TRIM9: variants seen among roughly 807,000 people sequenced by gnomAD.
TRIM9 encodes the protein E3 ubiquitin-protein ligase TRIM9.
TRIM9 carries 26 observed loss-of-function variants against 78.3 expected under a neutral mutation model. That is an observed-to-expected ratio of 0.33 (90% CI 0.24 to 0.46). The LOEUF (loss-of-function observed/expected upper bound fraction) is 0.46. Ranked by LOEUF, TRIM9 falls within the 20% of genes least tolerant of loss-of-function variation. The pLI is 1.00. For synonymous variants in TRIM9, 398 were observed against 416.5 expected (o/e 0.96, Z 0.54); for missense variants, 787 against 1,036.4 (o/e 0.76, Z 3.30).
intron 3 of TRIM9, among the ~76,000 whole-genome samples, chr14:51,020,267 GA>G (rs1390263369): frequency 6.6e-6 from 1 of 152,214 alleles, no homozygotes; most frequent in African/African-American, 2.4e-5. Context: ...AAGGCAGGGG[GA>G]GAGGAGAGCG....
chr14:50,997,884 T>C (rs1489502911), intron 7 of TRIM9, 166 bp downstream of exon 7: 15 of 1,459,704 alleles, frequency 1.0e-5, no homozygotes, highest in African/African-American at 5.7e-5. Flanking sequence ...CCACATACCA[T>C]AGGCTCTCTA....
chr14:51,060,659 G>C (rs950265625), intron 1 of TRIM9, among the ~76,000 whole-genome samples: 10 of 152,104 alleles, frequency 6.6e-5, no homozygotes, highest in African/African-American at 2.2e-4. Context: ...AGTAGAAACG[G>C]GGTTTCGCCG....
intron 1 of TRIM9, among the ~76,000 whole-genome samples, chr14:51,087,775 T>C (rs2063905998): frequency 6.6e-6 from 1 of 152,250 alleles, no homozygotes; most frequent in Non-Finnish European, 1.5e-5. Context: ...GTTTTAAGCT[T>C]TTCATATTGT....
intron 10 of TRIM9, 191 bp downstream of exon 10, chr14:50,982,751 A>G (rs1247437139): frequency 3.8e-6 from 2 of 532,252 alleles, no homozygotes; most frequent in Non-Finnish European, 6.6e-6. Flanking sequence ...ATTTTGCTGG[A>G]GCAGTAGGAA....
chr14:50,983,386 G>A lies in TRIM9; in HGVS notation c.1828C>T (p.Gln610Ter). The A allele has an allele frequency of 6.5e-7, 1 of 1,541,788 alleles. No homozygotes were observed. The highest frequency in any genetic ancestry group is 8.8e-7 in the Non-Finnish European group (1 of 1,141,396). Residue 610 changes from glutamine (Q) to a stop codon, truncating the protein, a stop_gained, in exon 9 of 13, where the codon CAA becomes TAA. Coordinates refer to ENST00000684578, the MANE Select transcript of TRIM9 (RefSeq NM_001387360.1). LOFTEE classifies it high-confidence loss of function. Reference protein sequence around the residue: ...NFETQSAPYSQLVDIKKLLAV... With the variant: ...NFETQSAPYS Reference sequence around the variant, plus strand: ...TTACAATAGGTATACTTGCCTAATTGAGAGTAAGGTGCAGATTGTGTCTCA... The same window carrying A: ...TTACAATAGGTATACTTGCCTAATTAAGAGTAAGGTGCAGATTGTGTCTCA...
intron 1 of TRIM9, among the ~76,000 whole-genome samples, chr14:51,039,026 T>C (rs1369011239): frequency 6.6e-6 from 1 of 152,174 alleles, no homozygotes; most frequent in Non-Finnish European, 1.5e-5. Context: ...AGGCACGGGG[T>C]CATTAGAAAT....
chr14:51,093,357 GAGA>G (rs1342616817), intron 1 of TRIM9, among the ~76,000 whole-genome samples: 3 of 152,240 alleles, frequency 2.0e-5, no homozygotes. Context: ...TAGTTGGGAG[GAGA>G]AGGTTTCCCT....
intron 3 of TRIM9, 143 bp downstream of exon 3, chr14:51,022,688 GTTCC>G: frequency 1.6e-6 from 2 of 1,249,482 alleles, no homozygotes; most frequent in Non-Finnish European, 2.2e-6. Flanking sequence ...GGAGGTGTCT[GTTCC>G]TTTCTGGCCA....
At chr14:50,984,773 T>A (rs1046437550) in intron 8 of TRIM9, among the ~76,000 whole-genome samples, 2 of 152,040 alleles carry the variant, frequency 1.3e-5, no homozygotes, top group African/African-American at 4.8e-5. Context: ...CCATCAAATA[T>A]CCCAAAACTC....
intron 1 of TRIM9, among the ~76,000 whole-genome samples, chr14:51,057,886 C>T (rs966529722): frequency 3.3e-5 from 5 of 152,316 alleles, no homozygotes; most frequent in South Asian, 2.1e-4. Context: ...AGTCTGTACA[C>T]AAGTTTATCC....
rs1348456935 is a variant in TRIM9 at position 51,053,580 on chromosome 14, CTTT to C, written c.823-28223_823-28221del. Among the ~76,000 whole-genome samples the C allele has an allele frequency of 1.0e-3, 75 of 74,800 alleles. 1 individual carries two copies. The highest frequency in any genetic ancestry group is 3.2e-3 in the African/African-American group (68 of 21,106). 49.1% of individuals were successfully genotyped at this position (74,800 alleles called of 152,430 possible). ...TTATTTTTTTTTACTTTTTAATTTT[CTTT>C]TTTTTTTTTTAATTTTTTTTTTTTT... On this transcript the variant is annotated intron_variant, in intron 1 of 12. Coordinates refer to ENST00000684578, the MANE Select transcript of TRIM9 (RefSeq NM_001387360.1).
intron 5 of TRIM9, among the ~76,000 whole-genome samples, chr14:51,002,074 A>G (rs2055120742): frequency 6.6e-6 from 1 of 151,968 alleles, no homozygotes; most frequent in South Asian, 2.1e-4. Context: ...TTCACATATA[A>G]ACTTAATATA....
intron 1 of TRIM9, among the ~76,000 whole-genome samples, chr14:51,061,588 T>C (rs964044787): frequency 1.3e-5 from 2 of 152,230 alleles, no homozygotes; most frequent in African/African-American, 4.8e-5. Flanking sequence ...AAATTTTTGC[T>C]CATTCCAAAC....
chr14:51,084,501 T>G (rs1310946811), intron 1 of TRIM9, among the ~76,000 whole-genome samples: 2 of 152,234 alleles, frequency 1.3e-5, no homozygotes, highest in African/African-American at 4.8e-5. Context: ...CTGTTTATCA[T>G]ATTTCCTTGC....
chr14:51,027,445 G>A (rs34288227), intron 1 of TRIM9, among the ~76,000 whole-genome samples: 1 of 152,020 alleles, frequency 6.6e-6, no homozygotes, highest in African/African-American at 2.4e-5. Context: ...TGCCCAACCA[G>A]CTGTTAACTC....
chr14:51,088,181 T>C (rs980237188), intron 1 of TRIM9, among the ~76,000 whole-genome samples: 3 of 152,208 alleles, frequency 2.0e-5, no homozygotes, highest in African/African-American at 7.2e-5. Context: ...GGTATTCTAA[T>C]CTACATAGAC....
At chr14:50,980,750 C>T (rs988539596) in intron 11 of TRIM9, among the ~76,000 whole-genome samples, 8 of 152,226 alleles carry the variant, frequency 5.3e-5, no homozygotes, top group Middle Eastern at 3.2e-3. Context: ...TTATCTACAT[C>T]CAGTAGGATT....
intron 1 of TRIM9, among the ~76,000 whole-genome samples, chr14:51,050,107 A>G (rs1421555053): frequency 6.6e-6 from 1 of 152,204 alleles, no homozygotes; most frequent in Non-Finnish European, 1.5e-5. Context: ...AAGAGTATTA[A>G]ATCACCATAT....
At chr14:50,997,605 G>A (rs1158270787) in intron 7 of TRIM9, 4 of 1,008,704 alleles carry the variant, frequency 4.0e-6, no homozygotes, top group East Asian at 9.1e-5. Context: ...ACAAATCCAC[G>A]ACTGGAAAGA....
Sources: gnomAD v4.1 joint callset for allele counts (sites outside exome capture counted in the v4.1 genomes callset) on GRCh38, gnomAD v4.1.1 for gene constraint, MANE v1.5 for transcripts, NCBI Gene and HGNC (gene_info 2026-07-23, HGNC 2026-07-21) for gene names.